The following FRAS1 variants were observed in gnomAD, a reference collection of about 807,000 sequenced individuals.
The protein encoded by FRAS1 is Fraser extracellular matrix complex subunit 1.
In FRAS1, 290 loss-of-function variants were observed where a neutral mutation model predicts 435.2. The ratio of observed to expected loss-of-function variants is 0.67; its 90% CI spans 0.61 to 0.73. FRAS1 has a LOEUF of 0.73. Among genes scored for constraint, FRAS1 ranks in the 30% least tolerant of loss-of-function variants. The probability of loss-of-function intolerance (pLI) is 0.00; values close to 1 mark genes in which losing one functional copy is unlikely to be tolerated. For synonymous variants in FRAS1, 1,800 were observed against 1,851.0 expected, an observed-to-expected ratio of 0.97 and a Z score of 0.71; for missense variants, 4,860 against 5,001.5, an observed-to-expected ratio of 0.97 and a Z score of 0.85.
At chr4:78,143,696 G>T (rs1295958510) in intron 2 of FRAS1, among the ~76,000 whole-genome samples, 1 of 150,198 alleles carries the variant, frequency 6.7e-6, no homozygotes, top group Non-Finnish European at 1.5e-5. Context: ...AGGAGTTAGA[G>T]ACCATCCTGG....
rs556270487 is a variant in FRAS1 at position 78,072,032 on chromosome 4, TGTC to T, written c.108+6019_108+6021del. Reference sequence around the variant, plus strand: ...TTGCTAAATATGTTTTCTTTTTTGTTGTCGTGGTTTTTTTTTTAAACCAAGCAA... The same window carrying T: ...TTGCTAAATATGTTTTCTTTTTTGTTGTGGTTTTTTTTTTAAACCAAGCAA... On this transcript the variant is annotated intron_variant, in intron 2 of 73. Coordinates refer to ENST00000512123, the MANE Select transcript of FRAS1 (RefSeq NM_025074.7). 2.5e-4 allele frequency: 38 copies of T among 149,074 alleles called. No individual in the cohort carries two copies. The South Asian group carries it at 4.3e-3, about 17-fold the overall frequency. 9.2% of individuals were successfully genotyped at this position (149,074 alleles called of 1,614,324 possible). A position where few individuals can be genotyped will look rare whatever the true frequency, so the allele number is the denominator to read the frequency against.
At chr4:78,515,624 G>A (rs13435277) in intron 65 of FRAS1, among the ~76,000 whole-genome samples, 175 bp from the exon 66 acceptor site, 47,345 of 151,986 alleles carry the variant, frequency 0.31, 7,841 homozygotes, top group South Asian at 0.52. Flanking sequence ...GTTAGCAAGC[G>A]CTTTCCAAGA....
Position 78,441,215 on chromosome 4 carries a change from T to A in FRAS1, c.5583T>A (p.Asp1861Glu). The A allele has an allele frequency of 6.2e-7, 1 of 1,613,894 alleles. No homozygotes were observed. The highest frequency in any genetic ancestry group is 8.5e-7 in the Non-Finnish European group (1 of 1,179,786). The part of the protein sequence containing the change: ...PLSFHHFFAT[D>E]DDDNLQRDAI... ...CATTTCACCATTTTTTTGCTACTGA[T>A]GATGATGACAACCTCCAGAGAGATG... The change falls in exon 41 of 74, where the codon GAT becomes GAA. Residue 1861 changes from aspartate to glutamate, a missense_variant. By Grantham distance (45) the Asp-to-Glu change is conservative. Transcript: ENST00000512123.
intron 20 of FRAS1, among the ~76,000 whole-genome samples, chr4:78,359,288 T>C (rs1730982673): frequency 1.1e-5 from 1 of 89,572 alleles, no homozygotes; most frequent in South Asian, 2.7e-4. Context: ...AACTATACTT[T>C]TCTGTTATAA....
chr4:78,315,003 T>C lies in FRAS1; in HGVS notation c.1679-591T>C, dbSNP rs114512866. ...AGTGAAAACTAAGTTGATTTTGTTT[T>C]TGTGTTTCTAACCCCGGCACAAGAC... On this transcript the variant is annotated intron_variant, in intron 15 of 73. Transcript: ENST00000512123. Among the ~76,000 whole-genome samples the C allele has an allele frequency of 7.5e-3, 1,145 of 152,334 alleles. 12 individuals are homozygous for C. The highest frequency in any genetic ancestry group is 0.027 in the Middle Eastern group (8 of 294).
chr4:78,340,009 G>A (rs1218888327), intron 20 of FRAS1, among the ~76,000 whole-genome samples: 2 of 151,820 alleles, frequency 1.3e-5, no homozygotes, highest in Non-Finnish European at 2.9e-5. Flanking sequence ...TTTATGCTAG[G>A]GCATATTTAA....
At chr4:78,103,284 C>G (rs1217697673) in intron 2 of FRAS1, among the ~76,000 whole-genome samples, 6 of 151,964 alleles carry the variant, frequency 3.9e-5, no homozygotes, top group African/African-American at 1.5e-4. Context: ...TTAGTATTTC[C>G]TTTTTCAATT....
intron 2 of FRAS1, among the ~76,000 whole-genome samples, chr4:78,224,266 C>T (rs933848653): frequency 1.3e-5 from 2 of 152,192 alleles, no homozygotes; most frequent in African/African-American, 4.8e-5. Flanking sequence ...GTCCTTGACG[C>T]CAGTCAGTCC....
intron 3 of FRAS1, among the ~76,000 whole-genome samples, chr4:78,241,838 A>G (rs1340064883): frequency 6.6e-6 from 1 of 152,140 alleles, no homozygotes; most frequent in East Asian, 1.9e-4. Context: ...GTGTACAAAG[A>G]TAGAATATCA....
rs974070554 is a variant in FRAS1, at chr4:78,133,474, A to G, written c.108+67458A>G. On this transcript the variant is annotated intron_variant, in intron 2 of 73. Transcript: ENST00000512123. ...TATTTGTTAGCACAATAGAGTCACT[A>G]TGGTTTATAATAATTTAATTGTGCA... Among the ~76,000 whole-genome samples, 9 of 152,230 alleles carry G rather than the reference A, an allele frequency of 5.9e-5. 1 individual carries two copies. Among genetic ancestry groups the G allele is most frequent in the African/African-American group, 2.2e-4 (9 of 41,538 alleles).
intron 1 of FRAS1, among the ~76,000 whole-genome samples, chr4:78,061,511 A>C (rs1739759711): frequency 6.6e-6 from 1 of 152,218 alleles, no homozygotes; most frequent in African/African-American, 2.4e-5. Flanking sequence ...AGCCATTCCC[A>C]CAAACGCTGA....
intron 14 of FRAS1, among the ~76,000 whole-genome samples, chr4:78,287,881 A>T (rs1727685752): frequency 6.6e-6 from 1 of 152,158 alleles, no homozygotes; most frequent in Non-Finnish European, 1.5e-5. Context: ...CTGTTTTGTG[A>T]TCAGCCATGT....
chr4:78,452,296 G>C lies in FRAS1; in HGVS notation c.6705G>C (p.Leu2235Phe). Reference sequence around the variant, plus strand: ...ACCAGGACAGTGGGCCTACAGAATTGATCTACAGAATCACCAGACAGCCCC... The same window carrying C: ...ACCAGGACAGTGGGCCTACAGAATTCATCTACAGAATCACCAGACAGCCCC... Reference protein sequence around the residue: ...ATDQDSGPTELIYRITRQPQL... With the variant: ...ATDQDSGPTEFIYRITRQPQL... The change falls in exon 47 of 74, where the codon TTG becomes TTC. Residue 2235 changes from leucine to phenylalanine, a missense_variant. Leu to Phe is a conservative substitution (Grantham distance 22, BLOSUM62 0). Transcript: ENST00000512123. 1 of 1,612,730 alleles carries C rather than the reference G, an allele frequency of 6.2e-7. No homozygotes were observed. The highest frequency in any genetic ancestry group is 1.1e-5 in the South Asian group (1 of 90,582).
chr4:78,294,276 C>T (rs10008653), intron 14 of FRAS1, among the ~76,000 whole-genome samples: 48,360 of 151,954 alleles, frequency 0.32, 8,139 homozygotes, highest in East Asian at 0.38. Context: ...TTTTGGTTTG[C>T]GGTCCCGCCT....
intron 2 of FRAS1, among the ~76,000 whole-genome samples, chr4:78,163,052 A>T (rs1721202936): frequency 6.6e-6 from 1 of 152,206 alleles, no homozygotes; most frequent in African/African-American, 2.4e-5. Flanking sequence ...ATTAAACAAG[A>T]TGCAACAGGC....
At position 78,507,403 on chromosome 4, in the gene FRAS1, G is replaced by A. The variant is rs1172345374; in HGVS notation, c.9317-18G>A. 3.8e-6 allele frequency: 6 copies of A among 1,596,428 alleles called. No homozygotes were observed. In the Admixed American group the frequency reaches 1.1e-4, roughly 29 times the overall value. On this transcript the variant is annotated intron_variant, in intron 61 of 73. Transcript: ENST00000512123. ...CTAATGAAGCCTTTGCTCTCTTTTT[G>A]TTCTGTCCTTGGCGAAGGTGTGGAT...
chr4:78,205,003 GCT>G (rs1326417230), intron 2 of FRAS1, among the ~76,000 whole-genome samples: 2 of 152,158 alleles, frequency 1.3e-5, no homozygotes, highest in African/African-American at 4.8e-5. Context: ...TCTGCATTTT[GCT>G]CTGTTTCCTA....
intron 13 of FRAS1, among the ~76,000 whole-genome samples, chr4:78,284,945 C>A (rs1159815708): frequency 6.6e-6 from 1 of 152,140 alleles, no homozygotes; most frequent in African/African-American, 2.4e-5. Context: ...CCTTCAAGAT[C>A]ATTTACTGCA....
At position 78,279,631 on chromosome 4, in the gene FRAS1, G is replaced by T. The variant is rs551060565; in HGVS notation, c.1071+887G>T. On this transcript the variant is annotated intron_variant, in intron 10 of 73. Coordinates refer to ENST00000512123, the MANE Select transcript of FRAS1 (RefSeq NM_025074.7). ...GAGGGGCAAAACTCTATTTACTAAG[G>T]TTTTATTTTGCCCTGTGTCTGCACT... Among the ~76,000 whole-genome samples the T allele has an allele frequency of 1.5e-3, 235 of 152,224 alleles. 1 individual carries two copies. Among genetic ancestry groups the T allele is most frequent in the African/African-American group, 5.6e-3 (231 of 41,540 alleles).
Sources: allele counts gnomAD v4.1 joint callset (sites outside exome capture counted in the v4.1 genomes callset), GRCh38; gene constraint gnomAD v4.1.1; transcripts MANE v1.5; gene names NCBI Gene and HGNC (gene_info 2026-07-23, HGNC 2026-07-21).